Variants in TAFA2 observed in about 807,000 individuals in gnomAD.
The protein encoded by TAFA2 is chemokine-like protein TAFA-2.
Under a neutral mutation model 18.8 loss-of-function variants are expected in TAFA2, and 7 were observed. That is an observed-to-expected ratio of 0.37 (90% CI 0.21 to 0.70). The LOEUF (loss-of-function observed/expected upper bound fraction) is 0.70, where lower values mean the gene tolerates loss of function less well. TAFA2 is among the 30% of genes least tolerant of loss of function. The pLI is 0.53. For synonymous variants in TAFA2, 60 were observed against 54.2 expected (o/e 1.11, Z -0.47); for missense variants, 122 against 158.1 (o/e 0.77, Z 1.23).
At chr12:61,752,497 T>A (rs1218126917) in intron 4 of TAFA2, among the ~76,000 whole-genome samples, 4 of 152,032 alleles carry the variant, frequency 2.6e-5, no homozygotes, top group Non-Finnish European at 5.9e-5. Flanking sequence ...TATCATGTGC[T>A]AGCTCACTGA....
intron 1 of TAFA2, among the ~76,000 whole-genome samples, chr12:61,975,913 C>A (rs942439391): frequency 6.6e-6 from 1 of 151,606 alleles, no homozygotes; most frequent in African/African-American, 2.4e-5. Context: ...AGGAGGGACC[C>A]TAGGTGAGGT....
At chr12:61,785,888 A>C (rs1322077760) in intron 2 of TAFA2, among the ~76,000 whole-genome samples, 1 of 151,242 alleles carries the variant, frequency 6.6e-6, no homozygotes, top group Non-Finnish European at 1.5e-5. Flanking sequence ...GAAAATCACA[A>C]ACACAGTATG....
At chr12:62,251,500 G>A (rs1357972073) in intron 1 of TAFA2, among the ~76,000 whole-genome samples, 1 of 152,150 alleles carries the variant, frequency 6.6e-6, no homozygotes, top group East Asian at 1.9e-4. Context: ...CCACTGCCAG[G>A]GTAAAGACCA....
intron 1 of TAFA2, among the ~76,000 whole-genome samples, chr12:61,999,310 C>T (rs1305905654): frequency 6.6e-6 from 1 of 152,134 alleles, no homozygotes; most frequent in Admixed American, 6.6e-5. Flanking sequence ...TAAACAATGG[C>T]TTTCATTCAA....
chr12:61,923,441 G>C (rs1288057199), intron 1 of TAFA2, among the ~76,000 whole-genome samples: 1 of 152,180 alleles, frequency 6.6e-6, no homozygotes, highest in Admixed American at 6.5e-5. Flanking sequence ...GTGATATCCA[G>C]GAAAACAGTC....
intron 1 of TAFA2, among the ~76,000 whole-genome samples, chr12:62,127,903 ATAT>A (rs1870530115): frequency 6.6e-6 from 1 of 152,040 alleles, no homozygotes; most frequent in Non-Finnish European, 1.5e-5. Flanking sequence ...TTGTCTGCTA[ATAT>A]TATTATTTTC....
chr12:61,829,377 A>G (rs1421698800), intron 2 of TAFA2, among the ~76,000 whole-genome samples: 1 of 151,790 alleles, frequency 6.6e-6, no homozygotes, highest in Non-Finnish European at 1.5e-5. Flanking sequence ...ATCATTTCTT[A>G]TCACAATATG....
chr12:61,828,414 A>G (rs1025457541), intron 2 of TAFA2, among the ~76,000 whole-genome samples: 30 of 151,946 alleles, frequency 2.0e-4, no homozygotes, highest in Non-Finnish European at 4.4e-4. Flanking sequence ...TTTCCTAATC[A>G]ATAATTGTTG....
Position 61,709,136 on chromosome 12 carries a change from A to T in TAFA2, c.*1270T>A, listed in dbSNP as rs1592335375. 6.6e-6 allele frequency: 1 copy of T among 152,640 alleles called. No homozygotes were observed. Among genetic ancestry groups the T allele is most frequent in the Middle Eastern group, 3.4e-3 (1 of 294 alleles). 9.5% of individuals were successfully genotyped at this position (152,640 alleles called of 1,614,324 possible). A position where few individuals can be genotyped will look rare whatever the true frequency, so the allele number is the denominator to read the frequency against. On this transcript the variant is annotated 3_prime_UTR_variant, in exon 5 of 5. Transcript: ENST00000416284. ...TCATATCACAAATGAAACAAAATAA[A>T]TGTAGTACAAAATTATACATTCTAT...
chr12:61,788,882 G>C (rs1870854224), intron 2 of TAFA2, among the ~76,000 whole-genome samples: 1 of 151,708 alleles, frequency 6.6e-6, no homozygotes, highest in Admixed American at 6.6e-5. Flanking sequence ...TAAAATAACT[G>C]AATCTATCAG....
intron 1 of TAFA2, among the ~76,000 whole-genome samples, chr12:61,981,136 G>C (rs1238147288): frequency 1.3e-5 from 2 of 151,910 alleles, no homozygotes; most frequent in African/African-American, 2.4e-5. Flanking sequence ...CAGAACAGAG[G>C]CCTCAGAAAT....
At chr12:62,143,235 C>T (rs1249983081) in intron 1 of TAFA2, among the ~76,000 whole-genome samples, 2 of 152,196 alleles carry the variant, frequency 1.3e-5, no homozygotes, top group East Asian at 1.9e-4. Context: ...CCAAGACTAA[C>T]AGCCTTCTTT....
chr12:61,894,453 T>C (rs989742058), intron 1 of TAFA2, among the ~76,000 whole-genome samples: 5 of 152,210 alleles, frequency 3.3e-5, no homozygotes, highest in African/African-American at 9.7e-5. Context: ...AGGTATTCAC[T>C]AATACAGTTA....
At chr12:61,891,183 T>TG (rs1406115938) in intron 1 of TAFA2, among the ~76,000 whole-genome samples, 5 of 152,086 alleles carry the variant, frequency 3.3e-5, no homozygotes, top group African/African-American at 1.2e-4. Context: ...GATCAGTGTT[T>TG]GGGGGGCTAA....
At chr12:61,779,874 T>C (rs1028935896) in intron 2 of TAFA2, among the ~76,000 whole-genome samples, 5 of 151,748 alleles carry the variant, frequency 3.3e-5, no homozygotes, top group Admixed American at 6.6e-5. Flanking sequence ...CTGGATCTGT[T>C]CTTTTCCCTT....
At chr12:61,942,241 TC>T (rs1168916499) in intron 1 of TAFA2, among the ~76,000 whole-genome samples, 1 of 141,364 alleles carries the variant, frequency 7.1e-6, no homozygotes, top group African/African-American at 2.8e-5. Flanking sequence ...CAGCTGAGGG[TC>T]CTGTCTGTTA....
intron 1 of TAFA2, among the ~76,000 whole-genome samples, chr12:62,100,235 T>C (rs1199713061): frequency 6.6e-6 from 1 of 151,934 alleles, no homozygotes; most frequent in Non-Finnish European, 1.5e-5. Context: ...GTTGTTTAAC[T>C]ATTATATGTT....
chr12:61,884,780 T>C (rs1875299988), intron 1 of TAFA2, among the ~76,000 whole-genome samples: 1 of 151,992 alleles, frequency 6.6e-6, no homozygotes, highest in Non-Finnish European at 1.5e-5. Flanking sequence ...TGTACTATGA[T>C]GAGGGTTACA....
intron 1 of TAFA2, among the ~76,000 whole-genome samples, chr12:62,048,256 G>T (rs1881960935): frequency 6.6e-6 from 1 of 151,906 alleles, no homozygotes; most frequent in Non-Finnish European, 1.5e-5. Context: ...ATGGCAGAAG[G>T]TGAAGAGGAA....
Sources: allele counts gnomAD v4.1 joint callset (sites outside exome capture counted in the v4.1 genomes callset), GRCh38; gene constraint gnomAD v4.1.1; transcripts MANE v1.5; gene names NCBI Gene and HGNC (gene_info 2026-07-23, HGNC 2026-07-21).